Variants in ITPR1 observed in about 807,000 individuals in gnomAD.
ITPR1 encodes inositol 1,4,5-trisphosphate receptor type 1.
In ITPR1, 96 loss-of-function variants were observed where a neutral mutation model predicts 318.4. The ratio of observed to expected loss-of-function variants is 0.30; its 90% CI spans 0.26 to 0.36. The LOEUF (loss-of-function observed/expected upper bound fraction) is 0.36. ITPR1 is among the 10% of genes least tolerant of loss of function. The probability of loss-of-function intolerance (pLI) is 1.00; values close to 1 mark genes in which losing one functional copy is unlikely to be tolerated. For synonymous variants in ITPR1, 1,312 were observed against 1,289.9 expected, an observed-to-expected ratio of 1.02 and a Z score of -0.37; for missense variants, 2,440 against 3,460.2, an observed-to-expected ratio of 0.71 and a Z score of 7.40.
intron 4 of ITPR1, among the ~76,000 whole-genome samples, chr3:4,547,000 A>G (rs2085082807): frequency 1.3e-5 from 2 of 152,184 alleles, no homozygotes; most frequent in African/African-American, 2.4e-5. Context: ...GTGACCTCCA[A>G]TAACGCTCTT....
chr3:4,693,120 A>G (rs147708959), intron 32 of ITPR1, among the ~76,000 whole-genome samples: 40 of 152,310 alleles, frequency 2.6e-4, no homozygotes, highest in African/African-American at 8.9e-4. Flanking sequence ...GTGAAATTCC[A>G]TCTCAAAAAA....
intron 54 of ITPR1, among the ~76,000 whole-genome samples, chr3:4,804,773 T>C (rs535418463): frequency 1.3e-5 from 2 of 152,312 alleles, no homozygotes; most frequent in Admixed American, 1.3e-4. Flanking sequence ...AATTGGCAGA[T>C]TGAATGCTTA....
At chr3:4,660,487 C>T (rs952567893) in intron 13 of ITPR1, among the ~76,000 whole-genome samples, 6 of 150,526 alleles carry the variant, frequency 4.0e-5, no homozygotes, top group Admixed American at 2.0e-4. Context: ...GAGAGTTATC[C>T]GTCTTTTACT....
At chr3:4,683,262 G>A in intron 26 of ITPR1, 124 bp from the exon 27 acceptor site, 1 of 895,652 alleles carries the variant, frequency 1.1e-6, no homozygotes, top group Middle Eastern at 2.4e-4. Flanking sequence ...AATGAAAAGT[G>A]AAATTGCATG....
rs891083500 is a variant in ITPR1 at position 4,811,587 on chromosome 3, G to A, written c.7468+127G>A. On this transcript the variant is annotated intron_variant, in intron 56 of 61. Coordinates refer to ENST00000649015, the MANE Select transcript of ITPR1 (RefSeq NM_001378452.1). ...ATTGTATCTCCCTAACACGCAGAGTGTGAATTTCAAATACAGGTCTTCATT... is the reference window on the plus strand; with the variant it reads ...ATTGTATCTCCCTAACACGCAGAGTATGAATTTCAAATACAGGTCTTCATT... The A allele has an allele frequency of 1.1e-5, 8 of 697,064 alleles. No individual in the cohort carries two copies. In the African/African-American group the frequency reaches 1.3e-4, roughly 11 times the overall value. 43.2% of individuals were successfully genotyped at this position (697,064 alleles called of 1,614,324 possible).
chr3:4,728,861 T>C (rs1026071074), intron 42 of ITPR1, among the ~76,000 whole-genome samples: 21 of 152,222 alleles, frequency 1.4e-4, no homozygotes, highest in African/African-American at 5.1e-4. Flanking sequence ...CTTGCTCTGA[T>C]AGAGACATCA....
intron 4 of ITPR1, among the ~76,000 whole-genome samples, chr3:4,619,140 A>G (rs1332783432): frequency 6.6e-6 from 1 of 151,876 alleles, no homozygotes; most frequent in Non-Finnish European, 1.5e-5. Context: ...TGTTATTCTT[A>G]TTCCTCTTCT....
At chr3:4,684,680 T>C (rs145090834) in intron 29 of ITPR1, among the ~76,000 whole-genome samples, 5 of 152,378 alleles carry the variant, frequency 3.3e-5, no homozygotes, top group African/African-American at 1.2e-4. Context: ...TGGTACACAG[T>C]GTCCCCACTG....
chr3:4,785,755 G>A (rs1333330200), intron 51 of ITPR1, among the ~76,000 whole-genome samples: 1 of 152,212 alleles, frequency 6.6e-6, no homozygotes, highest in Non-Finnish European at 1.5e-5. Context: ...GGTTTAAGAG[G>A]TGTGAACAAG....
intron 4 of ITPR1, among the ~76,000 whole-genome samples, chr3:4,556,491 C>A (rs1202925850): frequency 1.3e-5 from 2 of 151,666 alleles, no homozygotes; most frequent in African/African-American, 4.8e-5. Flanking sequence ...CAACCCCTGG[C>A]AACTACTGAT....
In ITPR1 at chr3:4,661,046, A is replaced by G. The variant is rs776327984; in HGVS notation, c.1210A>G (p.Ile404Val). ...TAATACCTGGGTTCACAGCACAAAT[A>G]TTCCTATTGACAAGGAAGAAGAAAA... ...CTNTWVHSTNIPIDKEEEKPV... is the reference protein window; with the variant it reads ...CTNTWVHSTNVPIDKEEEKPV... The change falls in exon 14 of 62, where the codon ATT (isoleucine) becomes GTT (valine). Residue 404 changes from isoleucine to valine, a missense_variant. Physicochemically the swap from Ile to Val is conservative, Grantham distance 29. This residue lies in a region of ITPR1 where 101 missense variants were observed against 119.6 expected (regional missense o/e 0.84). Coordinates refer to ENST00000649015, the MANE Select transcript of ITPR1 (RefSeq NM_001378452.1). The G allele has an allele frequency of 1.2e-6, 2 of 1,611,034 alleles. No homozygotes were observed. Among genetic ancestry groups the G allele is most frequent in the South Asian group, 2.2e-5 (2 of 90,990 alleles).
chr3:4,725,234 C>G (rs2042424274), intron 40 of ITPR1, among the ~76,000 whole-genome samples: 1 of 152,086 alleles, frequency 6.6e-6, no homozygotes, highest in Admixed American at 6.5e-5. Context: ...GTGGTTTTTC[C>G]TGTCACTTGC....
chr3:4,753,350 G>A (rs762510520), intron 44 of ITPR1, among the ~76,000 whole-genome samples: 4 of 152,078 alleles, frequency 2.6e-5, no homozygotes, highest in South Asian at 4.2e-4. Flanking sequence ...TTGGATATGC[G>A]CTGCCGCCGC....
intron 24 of ITPR1, among the ~76,000 whole-genome samples, chr3:4,678,459 G>T (rs193005581): frequency 1.3e-3 from 195 of 152,298 alleles, no homozygotes; most frequent in African/African-American, 4.4e-3. Flanking sequence ...ACCTAAGAAG[G>T]ATTGGTCGAT....
At chr3:4,683,920 A>C in intron 28 of ITPR1, 122 bp downstream of exon 28, 3 of 871,952 alleles carry the variant, frequency 3.4e-6, no homozygotes, top group Admixed American at 3.4e-5. Flanking sequence ...TCTGCTTGTT[A>C]AGTCACCAAG....
chr3:4,530,277 T>A (rs181608822), intron 4 of ITPR1, among the ~76,000 whole-genome samples: 1 of 152,208 alleles, frequency 6.6e-6, no homozygotes, highest in Non-Finnish European at 1.5e-5. Flanking sequence ...TGCCCTGCAC[T>A]CCTGGCCCAG....
At chr3:4,580,047 A>G (rs2089145373) in intron 4 of ITPR1, among the ~76,000 whole-genome samples, 1 of 152,076 alleles carries the variant, frequency 6.6e-6, no homozygotes, top group Non-Finnish European at 1.5e-5. Context: ...TGTCTCTACT[A>G]AAAATACAAA....
At chr3:4,819,106 G>C (rs568345387) in intron 60 of ITPR1, among the ~76,000 whole-genome samples, 2 of 152,184 alleles carry the variant, frequency 1.3e-5, no homozygotes, top group African/African-American at 2.4e-5. Context: ...TTTTTACCTA[G>C]ATGTAATTTT....
At chr3:4,806,005 A>C (rs2048528994) in intron 54 of ITPR1, 98 bp from the exon 55 acceptor site, 1 of 1,048,694 alleles carries the variant, frequency 9.5e-7, no homozygotes, top group Admixed American at 2.7e-5. Context: ...TTGTTTGGGC[A>C]CGGTGACTGA....
Sources: gnomAD v4.1 joint callset for allele counts (sites outside exome capture counted in the v4.1 genomes callset) on GRCh38, gnomAD v4.1.1 for gene constraint, gnomAD v4.1.1 regional missense constraint, MANE v1.5 for transcripts, NCBI Gene and HGNC (gene_info 2026-07-23, HGNC 2026-07-21) for gene names.